The following PPP2R5E variants were observed in gnomAD, a reference collection of about 807,000 sequenced individuals.
The protein encoded by PPP2R5E is protein phosphatase 2 regulatory subunit B'epsilon.
Under a neutral mutation model 65.3 loss-of-function variants are expected in PPP2R5E, and 4 were observed. That is an observed-to-expected ratio of 0.06 (90% CI 0.03 to 0.14). The LOEUF is 0.14. Among genes scored for constraint, PPP2R5E ranks in the 10% least tolerant of loss-of-function variants. PPP2R5E has a pLI of 1.00. For synonymous variants in PPP2R5E, 183 were observed against 187.4 expected (o/e 0.98, Z 0.19); for missense variants, 274 against 556.1 (o/e 0.49, Z 5.10).
At chr14:63,503,652 C>G (rs934874068) in intron 2 of PPP2R5E, among the ~76,000 whole-genome samples, 1 of 152,172 alleles carries the variant, frequency 6.6e-6, no homozygotes, top group Non-Finnish European at 1.5e-5. Context: ...TTTCAATACT[C>G]CCTACTATTA....
intron 2 of PPP2R5E, among the ~76,000 whole-genome samples, chr14:63,531,098 G>T (rs922799052): frequency 2.0e-5 from 3 of 152,170 alleles, no homozygotes; most frequent in African/African-American, 7.2e-5. Context: ...AACTCGGGAG[G>T]CGGAGGTTGC....
chr14:63,427,720 G>C (rs1887419126), intron 3 of PPP2R5E, among the ~76,000 whole-genome samples: 1 of 152,174 alleles, frequency 6.6e-6, no homozygotes, highest in African/African-American at 2.4e-5. Context: ...TGGGAGGAAA[G>C]GATGTCAAAA....
At chr14:63,457,025 C>A (rs1424079090) in intron 2 of PPP2R5E, among the ~76,000 whole-genome samples, 4 of 152,196 alleles carry the variant, frequency 2.6e-5, no homozygotes, top group African/African-American at 9.7e-5. Context: ...AAGAGACAAT[C>A]CCTTTATGGT....
intron 3 of PPP2R5E, among the ~76,000 whole-genome samples, chr14:63,446,896 T>C (rs1195513503): frequency 6.6e-6 from 1 of 151,454 alleles, no homozygotes; most frequent in Non-Finnish European, 1.5e-5. Context: ...TTAGAGCTCT[T>C]GGGTAACAAG....
At chr14:63,406,587 CCA>C (rs1482751969) in intron 5 of PPP2R5E, among the ~76,000 whole-genome samples, 2 of 152,168 alleles carry the variant, frequency 1.3e-5, no homozygotes, top group Non-Finnish European at 2.9e-5. Context: ...CTCTAAATCG[CCA>C]CAGTTTCCAT....
chr14:63,488,567 G>T (rs1891116864), intron 2 of PPP2R5E, among the ~76,000 whole-genome samples: 2 of 152,014 alleles, frequency 1.3e-5, no homozygotes, highest in South Asian at 4.2e-4. Context: ...CCCAAAAAAG[G>T]GCCAAGCATT....
At chr14:63,506,314 G>C (rs879493982) in intron 2 of PPP2R5E, among the ~76,000 whole-genome samples, 8 of 152,074 alleles carry the variant, frequency 5.3e-5, no homozygotes, top group Non-Finnish European at 1.2e-4. Flanking sequence ...AGCCGGGCAT[G>C]GTGGCGGGCG....
At position 63,391,968 on chromosome 14, in the gene PPP2R5E, T is replaced by C. The variant is rs1276111301; in HGVS notation, c.903+4A>G. On this transcript the variant is annotated splice_donor_region_variant and intron_variant, in intron 9 of 13. Transcript: ENST00000337537. ...GTTTTTGAAATTATGGAAAAAAGAC[T>C]TACTGGTTCTGTGAGTGAAGGATCT... The C allele has an allele frequency of 6.2e-7, 1 of 1,610,448 alleles. No homozygotes were observed. The highest frequency in any genetic ancestry group is 1.1e-5 in the South Asian group (1 of 90,658).
intron 2 of PPP2R5E, among the ~76,000 whole-genome samples, chr14:63,492,345 T>C (rs1379112616): frequency 6.6e-6 from 1 of 152,108 alleles, no homozygotes; most frequent in African/African-American, 2.4e-5. Flanking sequence ...TCTTCCCAGT[T>C]AAGGACTCAA....
At chr14:63,479,478 G>A (rs1277195959) in intron 2 of PPP2R5E, 2 of 152,134 alleles carry the variant, frequency 1.3e-5, no homozygotes, top group African/African-American at 2.4e-5. Flanking sequence ...TCACCTGCCT[G>A]TCCCTAAATA....
chr14:63,466,881 G>GGAC (rs1415082257), intron 2 of PPP2R5E, among the ~76,000 whole-genome samples: 1 of 152,092 alleles, frequency 6.6e-6, no homozygotes. Flanking sequence ...AGTTTAAAAA[G>GGAC]GACAGCGAAC....
chr14:63,415,303 C>A, intron 4 of PPP2R5E, 71 bp from the exon 5 acceptor site: 2 of 1,047,356 alleles, frequency 1.9e-6, no homozygotes, highest in East Asian at 2.6e-5. Context: ...CCACCAAAAG[C>A]CTGTAACACT....
chr14:63,497,028 C>G (rs1003206551), intron 2 of PPP2R5E, among the ~76,000 whole-genome samples: 3 of 152,052 alleles, frequency 2.0e-5, no homozygotes, highest in Non-Finnish European at 4.4e-5. Context: ...CCCCTGCCCA[C>G]AGCTCTAGCC....
At chr14:63,461,640 T>TAAAAAAAAA (rs199591299) in intron 2 of PPP2R5E, among the ~76,000 whole-genome samples, 174 of 139,780 alleles carry the variant, frequency 1.2e-3, no homozygotes, top group East Asian at 3.6e-3. Context: ...CTACAAAATT[T>TAAAAAAAAA]AAAAAAAAAA....
chr14:63,395,146 G>T, intron 7 of PPP2R5E, 80 bp downstream of exon 7: 4 of 1,146,338 alleles, frequency 3.5e-6, no homozygotes, highest in South Asian at 1.3e-5. Flanking sequence ...AGAACTAGGT[G>T]AGCATCTCTT....
At chr14:63,432,405 A>G (rs1015612725) in intron 3 of PPP2R5E, among the ~76,000 whole-genome samples, 3 of 152,228 alleles carry the variant, frequency 2.0e-5, no homozygotes, top group Non-Finnish European at 4.4e-5. Flanking sequence ...CGGAGTCTCT[A>G]GAAGATCGGA....
At chr14:63,537,610 G>A (rs1893720397) in intron 2 of PPP2R5E, among the ~76,000 whole-genome samples, 1 of 152,000 alleles carries the variant, frequency 6.6e-6, no homozygotes, top group Non-Finnish European at 1.5e-5. Flanking sequence ...TATTCATATG[G>A]AAAAAATAGA....
intron 3 of PPP2R5E, among the ~76,000 whole-genome samples, chr14:63,441,190 G>C (rs941941491): frequency 6.7e-6 from 1 of 148,310 alleles, no homozygotes; most frequent in African/African-American, 2.5e-5. Flanking sequence ...GAAGGCATAC[G>C]GGTGCTGGCC....
At chr14:63,473,213 C>T (rs1229952998) in intron 2 of PPP2R5E, among the ~76,000 whole-genome samples, 1 of 151,946 alleles carries the variant, frequency 6.6e-6, no homozygotes, top group Non-Finnish European at 1.5e-5. Context: ...GTAGTGGCAA[C>T]AACAGAATGT....
Sources: allele counts gnomAD v4.1 joint callset (sites outside exome capture counted in the v4.1 genomes callset), GRCh38; gene constraint gnomAD v4.1.1; transcripts MANE v1.5; gene names NCBI Gene and HGNC (gene_info 2026-07-23, HGNC 2026-07-21).